NHSL3: variants seen among roughly 807,000 people sequenced by gnomAD.
NHSL3 encodes NHS-like protein 3.
At chr1:32,768,757 G>A in the NHSL3 span, 1 of 1,613,984 alleles carries the variant, frequency 6.2e-7, no homozygotes, top group Non-Finnish European at 8.5e-7. Flanking sequence ...CATCCGCTCG[G>A]AGATGATCCA....
At chr1:32,745,482 C>G in the NHSL3 span, among the ~76,000 whole-genome samples, 1 of 149,960 alleles carries the variant, frequency 6.7e-6, no homozygotes, top group Non-Finnish European at 1.5e-5. Context: ...CGCTTGAACC[C>G]GGGAGGTGGA....
At chr1:32,762,815 C>G in the NHSL3 span, among the ~76,000 whole-genome samples, 1 of 152,108 alleles carries the variant, frequency 6.6e-6, no homozygotes, top group South Asian at 2.1e-4. Context: ...GTCTCAAACT[C>G]CTGACCTCGT....
At chr1:32,772,290 C>CCCCCCCCCGG in the NHSL3 span, 1 of 1,593,394 alleles carries the variant, frequency 6.3e-7, no homozygotes. Flanking sequence ...CCCCACCCGC[C>CCCCCCCCCGG]TCCCCCAGTT....
the NHSL3 span, chr1:32,771,828 C>A: frequency 6.2e-7 from 1 of 1,611,326 alleles, no homozygotes; most frequent in Non-Finnish European, 8.5e-7. Context: ...CGCCCTCGCT[C>A]CTGCAGATGG....
chr1:32,772,807 A>T, the NHSL3 span: 1 of 1,543,022 alleles, frequency 6.5e-7, no homozygotes, highest in Non-Finnish European at 9.0e-7. Flanking sequence ...TTGGGCTCCT[A>T]GTGCCAGAAC....
chr1:32,748,364 G>A, the NHSL3 span, among the ~76,000 whole-genome samples: 4 of 152,096 alleles, frequency 2.6e-5, no homozygotes, highest in Non-Finnish European at 5.9e-5. Flanking sequence ...CTGAGGAAGG[G>A]GCCTAGATAG....
chr1:32,761,840 G>C, the NHSL3 span, among the ~76,000 whole-genome samples: 1 of 152,076 alleles, frequency 6.6e-6, no homozygotes, highest in African/African-American at 2.4e-5. Context: ...GGCCTAAGAG[G>C]GGAAGAGTGG....
At chr1:32,762,467 CTT>C in the NHSL3 span, among the ~76,000 whole-genome samples, 3 of 142,398 alleles carry the variant, frequency 2.1e-5, no homozygotes, top group Non-Finnish European at 3.1e-5. Context: ...TATATATTTA[CTT>C]TTTTTTTTTT....
chr1:32,770,604 ACT>A, the NHSL3 span: 1 of 1,515,604 alleles, frequency 6.6e-7, no homozygotes. This position sits in a 1 kb window ranked among gnomAD's most constrained non-coding sequence, Gnocchi z 8.3. Context: ...CCTCAGACAC[ACT>A]CAGCATTCGG....
chr1:32,767,091 C>G, the NHSL3 span, among the ~76,000 whole-genome samples: 4 of 152,290 alleles, frequency 2.6e-5, no homozygotes, highest in South Asian at 8.3e-4. Context: ...TCTGCATCCC[C>G]CCTAGGATTT....
At chr1:32,765,934 G>A in the NHSL3 span, 2 of 1,074,982 alleles carry the variant, frequency 1.9e-6, no homozygotes, top group African/African-American at 1.6e-5. Context: ...ATGGGGTGGG[G>A]CTGGGGGCTG....
the NHSL3 span, among the ~76,000 whole-genome samples, chr1:32,745,230 G>A: frequency 1.3e-5 from 2 of 151,674 alleles, no homozygotes; most frequent in African/African-American, 4.8e-5. Flanking sequence ...GAGCTCTAAC[G>A]ACCCAGTCTG....
At chr1:32,769,582 C>T in the NHSL3 span, 1 of 1,014,176 alleles carries the variant, frequency 9.9e-7, no homozygotes, top group Non-Finnish European at 1.5e-6. Flanking sequence ...GAAACCATTT[C>T]TCGCAGAGCT....
chr1:32,773,182 T>C, the NHSL3 span: 3 of 512,756 alleles, frequency 5.9e-6, no homozygotes, highest in Non-Finnish European at 1.1e-5. Context: ...CTGCGCCCCC[T>C]GCTGGCCCTG....
At chr1:32,757,552 G>T in the NHSL3 span, among the ~76,000 whole-genome samples, 1 of 152,254 alleles carries the variant, frequency 6.6e-6, no homozygotes. Context: ...AAGGGCCAGA[G>T]GGAGCTGTGT....
the NHSL3 span, chr1:32,771,628 G>A: frequency 2.5e-6 from 4 of 1,613,038 alleles, no homozygotes; most frequent in Non-Finnish European, 2.5e-6. Flanking sequence ...CTCCCCGGCT[G>A]CTTCGTCCTC....
the NHSL3 span, among the ~76,000 whole-genome samples, chr1:32,754,910 A>C: frequency 1.3e-5 from 2 of 149,308 alleles, no homozygotes; most frequent in African/African-American, 4.9e-5. Context: ...CGCCACCGCG[A>C]CTTCTCCCCG....
chr1:32,746,783 A>C, the NHSL3 span, among the ~76,000 whole-genome samples: 1 of 152,196 alleles, frequency 6.6e-6, no homozygotes, highest in African/African-American at 2.4e-5. Flanking sequence ...CACACTCTAC[A>C]AAGAAAATTA....
chr1:32,764,717 CCCA>C, the NHSL3 span, among the ~76,000 whole-genome samples: 1 of 152,188 alleles, frequency 6.6e-6, no homozygotes, highest in Admixed American at 6.5e-5. Flanking sequence ...AAGTGATCTG[CCCA>C]CCTTGGCCTC....
Sources: gnomAD v4.1 joint callset for allele counts (sites outside exome capture counted in the v4.1 genomes callset) on GRCh38, gnomAD v4.1.1 for gene constraint, Gnocchi (gnomAD v3.1) non-coding constraint, MANE v1.5 for transcripts, NCBI Gene and HGNC (gene_info 2026-07-23, HGNC 2026-07-21) for gene names.